TEX11: variants seen among roughly 807,000 people sequenced by gnomAD.
TEX11 encodes the protein testis expressed 11.
Under a neutral mutation model 84.4 loss-of-function variants are expected in TEX11, and 7 were observed. The ratio of observed to expected loss-of-function variants is 0.08; its 90% CI spans 0.05 to 0.16. The LOEUF (loss-of-function observed/expected upper bound fraction) is 0.16, where lower values mean the gene tolerates loss of function less well. Ranked by LOEUF, TEX11 falls within the 10% of genes least tolerant of loss-of-function variation. The probability of loss-of-function intolerance (pLI) is 1.00; values close to 1 mark genes in which losing one functional copy is unlikely to be tolerated. For missense variants in TEX11, 551 were observed against 660.5 expected (o/e 0.83, Z 1.82); for synonymous variants, 264 against 222.8 (o/e 1.18, Z -1.64).
At chrX:70,733,400 T>C (rs1344013553) in intron 11 of TEX11, among the ~76,000 whole-genome samples, 1 of 111,443 alleles carries the variant, frequency 9.0e-6, no homozygotes, top group Non-Finnish European at 1.9e-5. Context: ...TGCAATCTAC[T>C]CATCTGACAA....
intron 3 of TEX11, among the ~76,000 whole-genome samples, chrX:70,879,202 A>T (rs923411809): frequency 1.8e-5 from 2 of 111,012 alleles, no homozygotes; most frequent in African/African-American, 6.5e-5. Flanking sequence ...ATATTCTAAA[A>T]TTAACTAACT....
chrX:70,904,933 A>G (rs2091821652), intron 2 of TEX11, among the ~76,000 whole-genome samples: 1 of 112,622 alleles, frequency 8.9e-6, no homozygotes, highest in Admixed American at 9.4e-5. Context: ...GACTACTAGA[A>G]AATATAAAAT....
intron 25 of TEX11, among the ~76,000 whole-genome samples, chrX:70,577,939 G>A (rs1366285705): frequency 1.8e-5 from 2 of 110,821 alleles, no homozygotes; most frequent in Non-Finnish European, 3.8e-5. Flanking sequence ...AGTTGGCCAA[G>A]CTGGTCTCGA....
intron 7 of TEX11, among the ~76,000 whole-genome samples, chrX:70,842,006 A>T (rs934557802): frequency 1.8e-5 from 2 of 111,500 alleles, no homozygotes; most frequent in African/African-American, 6.5e-5. Flanking sequence ...ACCAACCAAA[A>T]AAAGTCCAGG....
At chrX:70,626,128 A>G (rs181396855) in intron 18 of TEX11, among the ~76,000 whole-genome samples, 35 of 111,124 alleles carry the variant, frequency 3.1e-4, no homozygotes, top group Admixed American at 3.1e-3. Context: ...TACTCTAACA[A>G]TTACCTTAGC....
In TEX11 at chrX:70,789,022, A is replaced by G. The variant is rs1277628462; in HGVS notation, c.692+17683T>C. On this transcript the variant is annotated intron_variant, in intron 9 of 29. Coordinates refer to ENST00000374333, the MANE Select transcript of TEX11 (RefSeq NM_031276.3). ...GAGAGAGAGAGAGAGAGAGCAAGAA[A>G]ACAAATAATCCAAATAAATAATGGG... Among the ~76,000 whole-genome samples the G allele has an allele frequency of 3.3e-5, 3 of 89,853 alleles. No homozygotes were observed. The East Asian group carries it at 1.1e-3, about 33-fold the overall frequency. 78.0% of individuals were successfully genotyped at this position (89,853 alleles called of 115,157 possible).
intron 24 of TEX11, among the ~76,000 whole-genome samples, chrX:70,592,540 G>A (rs1469038535): frequency 9.0e-6 from 1 of 111,610 alleles, no homozygotes; most frequent in African/African-American, 3.3e-5. Flanking sequence ...CCCAGGCATT[G>A]CAAGCTCAGG....
chrX:70,677,488 G>A (rs1726299358), intron 15 of TEX11, among the ~76,000 whole-genome samples: 2 of 112,207 alleles, frequency 1.8e-5, no homozygotes, highest in African/African-American at 6.5e-5. Context: ...TCAGAACTCT[G>A]TTAAACATTG....
intron 7 of TEX11, among the ~76,000 whole-genome samples, chrX:70,850,298 G>C (rs955192623): frequency 1.8e-5 from 2 of 111,788 alleles, no homozygotes; most frequent in African/African-American, 6.5e-5. Flanking sequence ...TTTAAAATGT[G>C]ATGCCTAGAA....
chrX:70,750,935 TATA>T (rs1569429107), intron 9 of TEX11, among the ~76,000 whole-genome samples: 1 of 28,887 alleles, frequency 3.5e-5, no homozygotes, highest in Non-Finnish European at 6.1e-5. Context: ...AAAAAAAAAA[TATA>T]TATATATATA....
chrX:70,525,265 A>C (rs375010565), downstream of TEX11, among the ~76,000 whole-genome samples: 619 of 111,094 alleles, frequency 5.6e-3, 3 homozygotes, highest in African/African-American at 0.019. Context: ...AGAAGTTTTC[A>C]TTCTTCTTTC....
chrX:70,699,417 A>AT (rs1231837372), intron 13 of TEX11, among the ~76,000 whole-genome samples: 6 of 111,185 alleles, frequency 5.4e-5, no homozygotes, highest in Non-Finnish European at 9.4e-5. Flanking sequence ...ACAATAGATA[A>AT]CCCAAAGACC....
intron 28 of TEX11, among the ~76,000 whole-genome samples, chrX:70,550,093 C>T (rs1167547199): frequency 8.9e-6 from 1 of 112,529 alleles, no homozygotes; most frequent in East Asian, 2.8e-4. Flanking sequence ...ATCCATACAT[C>T]TACAGTGAAC....
intron 28 of TEX11, among the ~76,000 whole-genome samples, chrX:70,536,720 T>A (rs2087963464): frequency 8.9e-6 from 1 of 112,488 alleles, no homozygotes; most frequent in South Asian, 3.7e-4. Flanking sequence ...AAAATTAATA[T>A]CATTTTATAG....
At chrX:70,539,963 C>T (rs1373613095) in intron 28 of TEX11, among the ~76,000 whole-genome samples, 3 of 111,721 alleles carry the variant, frequency 2.7e-5, no homozygotes, top group African/African-American at 6.5e-5. Context: ...AGTCCTCTAC[C>T]TTGAGTATCA....
At chrX:70,540,350 C>T (rs766442750) in intron 28 of TEX11, among the ~76,000 whole-genome samples, 3 of 111,979 alleles carry the variant, frequency 2.7e-5, no homozygotes, top group South Asian at 7.5e-4. Flanking sequence ...AGTACATTCA[C>T]ATTGTTGTGC....
At chrX:70,643,798 G>A (rs780336052) in intron 17 of TEX11, among the ~76,000 whole-genome samples, 80 of 108,384 alleles carry the variant, frequency 7.4e-4, no homozygotes, top group African/African-American at 2.5e-3. Context: ...TTAAACATTC[G>A]ACCTAAAACC....
chrX:70,638,858 G>A (rs1432761757), intron 17 of TEX11, among the ~76,000 whole-genome samples: 4 of 104,865 alleles, frequency 3.8e-5, no homozygotes, highest in Non-Finnish European at 7.9e-5. Flanking sequence ...AAGAAAAAAA[G>A]ATAAGGCTCA....
intron 13 of TEX11, among the ~76,000 whole-genome samples, chrX:70,691,058 A>G (rs1030283550): frequency 2.7e-5 from 3 of 112,279 alleles, no homozygotes; most frequent in Non-Finnish European, 5.6e-5. Context: ...AAGAAAACAT[A>G]CAAATAGCCA....
Sources: gnomAD v4.1 joint callset for allele counts (sites outside exome capture counted in the v4.1 genomes callset) on GRCh38, gnomAD v4.1.1 for gene constraint, MANE v1.5 for transcripts, NCBI Gene and HGNC (gene_info 2026-07-23, HGNC 2026-07-21) for gene names.